The following TRIP12 variants were observed in gnomAD, a reference collection of about 807,000 sequenced individuals.
TRIP12 encodes the protein thyroid hormone receptor interactor 12.
TRIP12 carries 25 observed loss-of-function variants against 244.2 expected under a neutral mutation model. That is an observed-to-expected ratio of 0.10 (90% CI 0.07 to 0.14). TRIP12 has a LOEUF of 0.14. Ranked by LOEUF, TRIP12 falls within the 10% of genes least tolerant of loss-of-function variation. TRIP12 has a pLI of 1.00. For synonymous variants in TRIP12, 905 were observed against 873.1 expected, an observed-to-expected ratio of 1.04 and a Z score of -0.64; for missense variants, 1,677 against 2,486.4, an observed-to-expected ratio of 0.67 and a Z score of 6.92.
chr2:229,859,640 C>T, intron 3 of TRIP12, 66 bp from the exon 4 acceptor site: 3 of 1,492,544 alleles, frequency 2.0e-6, no homozygotes, highest in Non-Finnish European at 2.7e-6. Context: ...ATATATAATG[C>T]TTTCAAAAAA....
intron 18 of TRIP12, 115 bp downstream of exon 18, chr2:229,805,615 G>A: frequency 1.9e-6 from 2 of 1,075,506 alleles, no homozygotes; most frequent in Non-Finnish European, 2.5e-6. Context: ...CCAAATTATT[G>A]TTATGCAATT....
At chr2:229,922,539 T>C, upstream of TRIP12, 1 of 1,613,936 alleles carries the variant, frequency 6.2e-7, no homozygotes, top group Non-Finnish European at 8.5e-7. Flanking sequence ...CCGGAGACTC[T>C]CTTTGAAACT....
intron 2 of TRIP12, among the ~76,000 whole-genome samples, chr2:229,871,444 T>C (rs962416183): frequency 2.0e-4 from 31 of 152,298 alleles, no homozygotes; most frequent in African/African-American, 7.2e-4. Flanking sequence ...TTAATGCCAA[T>C]GCCCTTGGGG....
intron 39 of TRIP12, 145 bp from the exon 40 acceptor site, chr2:229,769,470 ATAAT>A: frequency 5.7e-6 from 2 of 347,874 alleles, no homozygotes; most frequent in Non-Finnish European, 1.0e-5. Flanking sequence ...AAAAAAAAAA[ATAAT>A]AATAAAATAA....
At chr2:229,856,624 A>G (rs2059651421) in intron 4 of TRIP12, among the ~76,000 whole-genome samples, 1 of 152,198 alleles carries the variant, frequency 6.6e-6, no homozygotes, top group South Asian at 2.1e-4. Flanking sequence ...CAGAAGGGGA[A>G]GTGAATCCTA....
At chr2:229,917,140 G>C (rs1164429184) in intron 1 of TRIP12, among the ~76,000 whole-genome samples, 3 of 151,952 alleles carry the variant, frequency 2.0e-5, no homozygotes, top group African/African-American at 7.3e-5. Flanking sequence ...CAGCACTTTG[G>C]GAGTCCAAGG....
chr2:229,819,286 T>G (rs541342707), intron 8 of TRIP12, among the ~76,000 whole-genome samples: 1 of 152,356 alleles, frequency 6.6e-6, no homozygotes, highest in African/African-American at 2.4e-5. Flanking sequence ...GGCTCATGCC[T>G]GTAATCCAAG....
At chr2:229,854,220 C>G (rs1317018542) in intron 4 of TRIP12, among the ~76,000 whole-genome samples, 1 of 152,132 alleles carries the variant, frequency 6.6e-6, no homozygotes, top group Non-Finnish European at 1.5e-5. Flanking sequence ...GTTTATTACT[C>G]CACACTCTAT....
chr2:229,898,002 C>G (rs930878518), intron 1 of TRIP12, among the ~76,000 whole-genome samples: 1 of 152,118 alleles, frequency 6.6e-6, no homozygotes, highest in Non-Finnish European at 1.5e-5. Context: ...ATTGTAAAAC[C>G]TAAGTTTGGC....
intron 41 of TRIP12, among the ~76,000 whole-genome samples, chr2:229,768,268 AC>A (rs1324127073): frequency 6.6e-6 from 1 of 152,212 alleles, no homozygotes; most frequent in East Asian, 1.9e-4. Flanking sequence ...GTCTCAAAAA[AC>A]AAAACAAAAA....
At chr2:229,808,151 A>G (rs939677545) in intron 16 of TRIP12, 101 bp downstream of exon 16, 1 of 894,714 alleles carries the variant, frequency 1.1e-6, no homozygotes. Context: ...TATTTTTAGT[A>G]GAGACGGGTT....
chr2:229,861,113 C>T (rs1409533913), intron 2 of TRIP12, among the ~76,000 whole-genome samples: 1 of 152,102 alleles, frequency 6.6e-6, no homozygotes, highest in Non-Finnish European at 1.5e-5. Context: ...GTGATACTTG[C>T]TAAAACTTTA....
chr2:229,857,390 T>A (rs1474285004), intron 4 of TRIP12, among the ~76,000 whole-genome samples: 1 of 152,124 alleles, frequency 6.6e-6, no homozygotes, highest in African/African-American at 2.4e-5. Context: ...CCCAACACTT[T>A]GGGAGGCTGG....
At chr2:229,787,010 T>C (rs1034591189) in intron 33 of TRIP12, among the ~76,000 whole-genome samples, 1 of 152,192 alleles carries the variant, frequency 6.6e-6, no homozygotes, top group African/African-American at 2.4e-5. Context: ...GAGCCAAGAT[T>C]AGAAACACAG....
chr2:229,849,894 G>A (rs937068709), intron 4 of TRIP12, among the ~76,000 whole-genome samples: 3 of 148,804 alleles, frequency 2.0e-5, no homozygotes, highest in African/African-American at 7.4e-5. Context: ...GCACATAAGT[G>A]TTGATAAATA....
rs377349031 is a variant in TRIP12, at chr2:229,811,971, T to G, written c.1987-767A>C. Among the ~76,000 whole-genome samples the G allele has an allele frequency of 4.6e-5, 7 of 152,234 alleles. No individual in the cohort carries two copies. The East Asian group carries it at 1.3e-3, about 29-fold the overall frequency. ...AAGAGTGCTACAAATTGTGACTATT[T>G]AAGTTCTCTAATTCTTTTATCTTAT... is the stretch of plus-strand genomic sequence containing the variant. On this transcript the variant is annotated intron_variant, in intron 13 of 41. Coordinates refer to ENST00000675903, the MANE Select transcript of TRIP12 (RefSeq NM_001348323.3).
chr2:229,883,723 A>G (rs1411369026), intron 1 of TRIP12, among the ~76,000 whole-genome samples: 1 of 152,258 alleles, frequency 6.6e-6, no homozygotes, highest in Non-Finnish European at 1.5e-5. Flanking sequence ...GATGTCTTCA[A>G]GGTTGAAAAC....
At chr2:229,849,644 C>T (rs1190574440) in intron 4 of TRIP12, among the ~76,000 whole-genome samples, 1 of 152,008 alleles carries the variant, frequency 6.6e-6, no homozygotes, top group Non-Finnish European at 1.5e-5. Flanking sequence ...AGGAGGATCG[C>T]TTGAGTCCAG....
rs186960351 is a variant in TRIP12 at position 229,795,474 on chromosome 2, G to A, written c.3817-144C>T. The A allele has an allele frequency of 1.2e-4, 114 of 939,562 alleles. 1 individual carries two copies. The East Asian group carries it at 2.9e-3, about 24-fold the overall frequency. 58.2% of individuals were successfully genotyped at this position (939,562 alleles called of 1,614,324 possible). A position where few individuals can be genotyped will look rare whatever the true frequency, so the allele number is the denominator to read the frequency against. ...CTTTTATGGCAGATTTGGTTTGAAC[G>A]ATGTTACCACGTCAATTATTTCAAT... On this transcript the variant is annotated intron_variant, in intron 25 of 41. Transcript: ENST00000675903.
Sources: gnomAD v4.1 joint callset for allele counts (sites outside exome capture counted in the v4.1 genomes callset) on GRCh38, gnomAD v4.1.1 for gene constraint, MANE v1.5 for transcripts, NCBI Gene and HGNC (gene_info 2026-07-23, HGNC 2026-07-21) for gene names.